The following CNTNAP2 variants were observed in gnomAD, a reference collection of about 807,000 sequenced individuals.
CNTNAP2 encodes contactin associated protein 2.
A neutral mutation model predicts 155.2 loss-of-function variants in CNTNAP2; 98 were observed. The observed-to-expected ratio is 0.63, with a 90% CI of 0.54 to 0.75. The LOEUF is 0.75. Ranked by LOEUF, CNTNAP2 falls within the 30% of genes least tolerant of loss-of-function variation. CNTNAP2 has a pLI of 0.00. For missense variants in CNTNAP2, 1,727 were observed against 1,688.1 expected (o/e 1.02, Z -0.40); for synonymous variants, 651 against 631.2 (o/e 1.03, Z -0.47).
At chr7:146,645,777 G>C (rs1040000975) in intron 1 of CNTNAP2, among the ~76,000 whole-genome samples, 1 of 151,990 alleles carries the variant, frequency 6.6e-6, no homozygotes, top group Non-Finnish European at 1.5e-5. Flanking sequence ...CCCAGTGTGT[G>C]TGTGTGTGTA....
chr7:146,153,026 C>T (rs1798074350), intron 1 of CNTNAP2, among the ~76,000 whole-genome samples: 2 of 152,118 alleles, frequency 1.3e-5, no homozygotes, highest in Admixed American at 1.3e-4. Context: ...TGGTACTTGT[C>T]CTCATAGGGT....
intron 11 of CNTNAP2, among the ~76,000 whole-genome samples, chr7:147,500,085 A>AT (rs1229995396): frequency 4.0e-5 from 6 of 151,320 alleles, no homozygotes; most frequent in South Asian, 4.2e-4. Flanking sequence ...CCAGAGCAAG[A>AT]TTTTTTTTTA....
intron 1 of CNTNAP2, among the ~76,000 whole-genome samples, chr7:146,151,668 A>ATATATATGTATATATATATATGTGTG (rs1798047972): frequency 2.1e-5 from 1 of 47,652 alleles, no homozygotes; most frequent in African/African-American, 7.8e-5. Flanking sequence ...ATATATATAT[A>ATATATATGTATATATATATATGTGTG]TATATATATA....
chr7:146,578,208 C>T (rs1346654288), intron 1 of CNTNAP2, among the ~76,000 whole-genome samples: 6 of 152,040 alleles, frequency 3.9e-5, no homozygotes, highest in Non-Finnish European at 2.9e-5. Flanking sequence ...AACCCAACAA[C>T]GTGAAATTAA....
chr7:147,343,504 C>T (rs1178558989), intron 9 of CNTNAP2, among the ~76,000 whole-genome samples: 7 of 152,098 alleles, frequency 4.6e-5, no homozygotes, highest in Non-Finnish European at 7.4e-5. Flanking sequence ...TTACTTTGGG[C>T]ACATCCTGAT....
intron 3 of CNTNAP2, chr7:146,963,246 T>C (rs1466795135): frequency 6.6e-6 from 1 of 152,244 alleles, no homozygotes; most frequent in Non-Finnish European, 1.5e-5. Flanking sequence ...CTATTTCTAA[T>C]TTTATTTCAT....
At chr7:147,239,843 C>G (rs1803899074) in intron 8 of CNTNAP2, among the ~76,000 whole-genome samples, 1 of 152,108 alleles carries the variant, frequency 6.6e-6, no homozygotes, top group South Asian at 2.1e-4. Context: ...AATACTGAGT[C>G]AAGTGGCGAT....
rs192536824 is a variant in CNTNAP2, at chr7:147,285,629, T to C, written c.1349-14512T>C. 2.6e-5 allele frequency among the ~76,000 whole-genome samples: 4 copies of C among 152,130 alleles called. No homozygotes were observed. The East Asian group carries it at 7.7e-4, about 29-fold the overall frequency. On this transcript the variant is annotated intron_variant, in intron 8 of 23. Coordinates refer to ENST00000361727, the MANE Select transcript of CNTNAP2 (RefSeq NM_014141.6). ...TTTTGCATTGCATCTATAATACTAATATGACAGAATTTAAAAAGTCATTGA... is the reference window on the plus strand; with the variant it reads ...TTTTGCATTGCATCTATAATACTAACATGACAGAATTTAAAAAGTCATTGA...
At chr7:147,641,997 G>GGTGTGTGTGTGC (rs1343476513) in intron 13 of CNTNAP2, among the ~76,000 whole-genome samples, 23 of 140,436 alleles carry the variant, frequency 1.6e-4, no homozygotes, top group Middle Eastern at 7.3e-3. Context: ...ACTTATCATA[G>GGTGTGTGTGTGC]GTGTGTGTGT....
intron 21 of CNTNAP2, among the ~76,000 whole-genome samples, chr7:148,271,123 G>A (rs765654078): frequency 5.9e-5 from 9 of 152,136 alleles, no homozygotes; most frequent in Non-Finnish European, 1.3e-4. Flanking sequence ...CATTTTTGAT[G>A]CTAGCTACAT....
chr7:146,288,001 A>T (rs1012615809), intron 1 of CNTNAP2, among the ~76,000 whole-genome samples: 6 of 152,184 alleles, frequency 3.9e-5, no homozygotes, highest in African/African-American at 1.2e-4. Flanking sequence ...ATTCCTATGC[A>T]CTTAAACAAG....
chr7:147,287,805 T>C (rs1311327059), intron 8 of CNTNAP2, among the ~76,000 whole-genome samples: 1 of 152,224 alleles, frequency 6.6e-6, no homozygotes, highest in East Asian at 1.9e-4. Flanking sequence ...TACAGATCTA[T>C]TTCTCAAACT....
chr7:147,104,339 T>G (rs1563077944), intron 4 of CNTNAP2, among the ~76,000 whole-genome samples: 2 of 151,994 alleles, frequency 1.3e-5, no homozygotes, highest in Admixed American at 6.5e-5. Flanking sequence ...AACAAAATTA[T>G]GAAATAAGGT....
intron 13 of CNTNAP2, among the ~76,000 whole-genome samples, chr7:147,857,757 ATATC>A (rs1247151336): frequency 1.3e-5 from 2 of 152,214 alleles, no homozygotes; most frequent in Non-Finnish European, 2.9e-5. Flanking sequence ...ACACAACAAA[ATATC>A]AATAAAGCCA....
At chr7:146,547,187 T>C (rs1376630845) in intron 1 of CNTNAP2, among the ~76,000 whole-genome samples, 1 of 151,994 alleles carries the variant, frequency 6.6e-6, no homozygotes, top group Non-Finnish European at 1.5e-5. Context: ...AGTCTGGTAT[T>C]CTTATAATTC....
intron 1 of CNTNAP2, among the ~76,000 whole-genome samples, chr7:146,233,146 A>C (rs957361108): frequency 6.6e-6 from 1 of 151,834 alleles, no homozygotes; most frequent in African/African-American, 2.4e-5. Flanking sequence ...AAATGTATTC[A>C]GGTGAAAAAG....
At chr7:147,771,869 A>G (rs943463645) in intron 13 of CNTNAP2, among the ~76,000 whole-genome samples, 2 of 152,160 alleles carry the variant, frequency 1.3e-5, no homozygotes, top group African/African-American at 2.4e-5. Context: ...AAATTATATC[A>G]CAATATTCTT....
chr7:146,274,965 T>C (rs963497376), intron 1 of CNTNAP2, among the ~76,000 whole-genome samples: 5 of 152,300 alleles, frequency 3.3e-5, no homozygotes, highest in Admixed American at 6.5e-5. Context: ...GGGACACCTG[T>C]TATCTGCAAC....
chr7:146,536,173 C>G (rs1024816274), intron 1 of CNTNAP2, among the ~76,000 whole-genome samples: 2 of 152,058 alleles, frequency 1.3e-5, no homozygotes, highest in Non-Finnish European at 1.5e-5. Context: ...CCACATTTAG[C>G]AAAGGACAGC....
Sources: gnomAD v4.1 joint callset for allele counts (sites outside exome capture counted in the v4.1 genomes callset) on GRCh38, gnomAD v4.1.1 for gene constraint, MANE v1.5 for transcripts, NCBI Gene and HGNC (gene_info 2026-07-23, HGNC 2026-07-21) for gene names.